NPAS2: variants seen among roughly 807,000 people sequenced by gnomAD.
NPAS2 encodes neuronal PAS domain protein 2, also known as neuronal PAS domain-containing protein 2.
NPAS2 carries 23 observed loss-of-function variants against 107.5 expected under a neutral mutation model. The observed-to-expected ratio is 0.21, with a 90% CI of 0.15 to 0.30. The LOEUF is 0.30. Among genes scored for constraint, NPAS2 ranks in the 10% least tolerant of loss-of-function variants. The probability of loss-of-function intolerance (pLI) is 1.00; values close to 1 mark genes in which losing one functional copy is unlikely to be tolerated. For synonymous variants in NPAS2, 403 were observed against 417.5 expected, an observed-to-expected ratio of 0.97 and a Z score of 0.42; for missense variants, 756 against 1,043.3, an observed-to-expected ratio of 0.72 and a Z score of 3.79.
At chr2:100,918,165 T>C (rs1683005699) in intron 2 of NPAS2, among the ~76,000 whole-genome samples, 1 of 151,902 alleles carries the variant, frequency 6.6e-6, no homozygotes, top group South Asian at 2.1e-4. Context: ...GTTATGAAGT[T>C]ACAAAAGAAA....
chr2:100,954,024 A>T (rs1010637029), intron 7 of NPAS2, among the ~76,000 whole-genome samples: 1 of 152,202 alleles, frequency 6.6e-6, no homozygotes, highest in Non-Finnish European at 1.5e-5. Context: ...GGCCACACAG[A>T]GAAGCACCGG....
chr2:100,881,076 G>T (rs1401434341), intron 1 of NPAS2, among the ~76,000 whole-genome samples: 2 of 152,182 alleles, frequency 1.3e-5, no homozygotes, highest in Non-Finnish European at 2.9e-5. Context: ...CCCACCCCAG[G>T]GATGCTGACG....
At chr2:100,937,869 C>G in intron 5 of NPAS2, 27 bp downstream of exon 5, 3 of 1,486,474 alleles carry the variant, frequency 2.0e-6, no homozygotes, top group Non-Finnish European at 1.9e-6. Flanking sequence ...ATGGCCTTTA[C>G]CGGTTCACGT....
intron 5 of NPAS2, among the ~76,000 whole-genome samples, chr2:100,944,003 G>T (rs1259625772): frequency 3.3e-5 from 5 of 151,938 alleles, no homozygotes; most frequent in Admixed American, 3.3e-4. Flanking sequence ...TGTATAATTG[G>T]TACCTTTTAT....
intron 13 of NPAS2, among the ~76,000 whole-genome samples, 158 bp downstream of exon 13, chr2:100,975,102 C>T (rs576128252): frequency 1.1e-4 from 17 of 152,274 alleles, no homozygotes; most frequent in Non-Finnish European, 2.1e-4. Context: ...CCAGACTTCC[C>T]GCCTCCTGAT....
intron 5 of NPAS2, among the ~76,000 whole-genome samples, chr2:100,940,785 C>CA (rs1454946713): frequency 2.0e-5 from 3 of 152,210 alleles, no homozygotes; most frequent in Non-Finnish European, 2.9e-5. Flanking sequence ...GGTGCTTAAC[C>CA]ACTCCTCAGA....
intron 14 of NPAS2, 122 bp downstream of exon 14, chr2:100,975,689 G>C (rs1676942093): frequency 3.2e-6 from 2 of 631,354 alleles, no homozygotes; most frequent in Non-Finnish European, 5.2e-6. Context: ...GAGAGTGTAG[G>C]GTGGCAGATG....
chr2:100,990,477 C>A (rs1268723722), intron 18 of NPAS2, 31 bp downstream of exon 18: 1 of 1,606,384 alleles, frequency 6.2e-7, no homozygotes, highest in African/African-American at 1.3e-5. Flanking sequence ...AAAGGATAAC[C>A]CAGGCATCAT....
At chr2:100,961,780 C>T (rs1399102264) in intron 7 of NPAS2, among the ~76,000 whole-genome samples, 1 of 152,178 alleles carries the variant, frequency 6.6e-6, no homozygotes, top group Non-Finnish European at 1.5e-5. Context: ...GCATTTCTGA[C>T]AGAGCACAGG....
At chr2:100,983,041 A>G (rs1476889049) in intron 16 of NPAS2, 1 of 152,398 alleles carries the variant, frequency 6.6e-6, no homozygotes, top group Non-Finnish European at 1.5e-5. Context: ...TTAATAATAT[A>G]TAATGTTTTA....
chr2:100,892,560 A>G (rs1681140622), intron 1 of NPAS2, among the ~76,000 whole-genome samples: 1 of 152,076 alleles, frequency 6.6e-6, no homozygotes, highest in Non-Finnish European at 1.5e-5. Flanking sequence ...AAGGCTGGAG[A>G]GGGCTAGTGT....
intron 1 of NPAS2, among the ~76,000 whole-genome samples, chr2:100,850,945 C>T (rs1218645043): frequency 1.1e-5 from 1 of 88,816 alleles, no homozygotes; most frequent in African/African-American, 5.1e-5. Flanking sequence ...AAGAGTGAAA[C>T]TCTGTCTCAA....
chr2:100,985,303 A>G (rs1333671055), intron 16 of NPAS2: 4 of 152,648 alleles, frequency 2.6e-5, no homozygotes, highest in Non-Finnish European at 2.9e-5. Flanking sequence ...CCTCCCTTCT[A>G]TACATCCTTC....
intron 1 of NPAS2, among the ~76,000 whole-genome samples, chr2:100,840,880 G>C (rs957892880): frequency 6.6e-6 from 1 of 152,092 alleles, no homozygotes; most frequent in Non-Finnish European, 1.5e-5. Context: ...AAATAAGCAC[G>C]AGGAAGTCTA....
chr2:100,977,902 G>A (rs1314947825), intron 15 of NPAS2, 103 bp downstream of exon 15: 12 of 943,264 alleles, frequency 1.3e-5, no homozygotes, highest in South Asian at 6.7e-5. Context: ...AGGCCCTGAC[G>A]TGGGGGAATG....
intron 3 of NPAS2, among the ~76,000 whole-genome samples, chr2:100,928,468 T>C (rs1683722283): frequency 6.6e-6 from 1 of 150,872 alleles, no homozygotes; most frequent in African/African-American, 2.4e-5. Context: ...CTCTGTCCAC[T>C]GTGGAATTAC....
chr2:100,956,866 T>C (rs915412986), intron 7 of NPAS2, among the ~76,000 whole-genome samples: 2 of 152,160 alleles, frequency 1.3e-5, no homozygotes, highest in African/African-American at 4.8e-5. Flanking sequence ...TTCGTAGGAA[T>C]TTGAGGGGAA....
chr2:100,966,204 C>A (rs188356658), intron 10 of NPAS2, among the ~76,000 whole-genome samples: 1 of 152,128 alleles, frequency 6.6e-6, no homozygotes, highest in African/African-American at 2.4e-5. Context: ...ACTTGCTGTC[C>A]CGCAGGGCAG....
intron 2 of NPAS2, among the ~76,000 whole-genome samples, chr2:100,907,612 T>C (rs1471106630): frequency 6.6e-6 from 1 of 152,118 alleles, no homozygotes; most frequent in East Asian, 1.9e-4. Context: ...CTGGCATGAA[T>C]TGTTTTTACT....
Sources: allele counts gnomAD v4.1 joint callset (sites outside exome capture counted in the v4.1 genomes callset), GRCh38; gene constraint gnomAD v4.1.1; transcripts MANE v1.5; gene names NCBI Gene and HGNC (gene_info 2026-07-23, HGNC 2026-07-21).